Variants in CCND2 observed in about 807,000 individuals in gnomAD.
CCND2 encodes the protein cyclin D2, also known as G1/S-specific cyclin-D2.
Under a neutral mutation model 30.2 loss-of-function variants are expected in CCND2, and 6 were observed. The ratio of observed to expected loss-of-function variants is 0.20; its 90% confidence interval spans 0.11 to 0.39. The LOEUF is 0.39. Ranked by LOEUF, CCND2 falls within the 10% of genes least tolerant of loss-of-function variation. The probability of loss-of-function intolerance (pLI) is 1.00; values close to 1 mark genes in which losing one functional copy is unlikely to be tolerated. For synonymous variants in CCND2, 150 were observed against 153.1 expected (o/e 0.98, Z 0.15); for missense variants, 235 against 373.4 (o/e 0.63, Z 3.06).
At chr12:4,283,007 T>A (rs987495469) in intron 3 of CCND2, among the ~76,000 whole-genome samples, 4 of 152,164 alleles carry the variant, frequency 2.6e-5, no homozygotes, top group Non-Finnish European at 5.9e-5. Flanking sequence ...CCCCTATTGG[T>A]GAACAGAAGC....
chr12:4,290,509 C>A (rs918186944), intron 4 of CCND2, among the ~76,000 whole-genome samples: 3 of 152,202 alleles, frequency 2.0e-5, no homozygotes, highest in Admixed American at 1.3e-4. Context: ...ATAGGACTCT[C>A]AGCCAGTTTA....
intron 3 of CCND2, among the ~76,000 whole-genome samples, chr12:4,283,096 T>C (rs1457007222): frequency 6.6e-6 from 1 of 152,198 alleles, no homozygotes; most frequent in Non-Finnish European, 1.5e-5. Flanking sequence ...GGCAGGACCA[T>C]GTATTCCGTG....
At position 4,299,036 on chromosome 12, in the gene CCND2, A is replaced by G. The variant is rs549937207; in HGVS notation, c.721-824A>G. Reference sequence around the variant, plus strand: ...TCTTTATGAGAGTTAAGGAAATGGTAAAGAAGCAGAAAAAGTTGGGGATTT... The same window carrying G: ...TCTTTATGAGAGTTAAGGAAATGGTGAAGAAGCAGAAAAAGTTGGGGATTT... On this transcript the variant is annotated intron_variant, in intron 4 of 4. Transcript: ENST00000261254. The surrounding 1 kb of genome is among the most constrained non-coding windows in gnomAD (Gnocchi z 5.2). Among the ~76,000 whole-genome samples, 1 of 151,934 alleles carries G rather than the reference A, an allele frequency of 6.6e-6. No individual in the cohort carries two copies. The highest frequency in any genetic ancestry group is 2.4e-5 in the African/African-American group (1 of 41,324).
intron 3 of CCND2, among the ~76,000 whole-genome samples, chr12:4,280,963 T>G (rs1003868789): frequency 6.6e-6 from 1 of 152,252 alleles, no homozygotes; most frequent in Non-Finnish European, 1.5e-5. Context: ...GTGGCCTTCT[T>G]GCCCAGATCT....
At chr12:4,290,967 C>T (rs139184860) in intron 4 of CCND2, among the ~76,000 whole-genome samples, 19 of 152,286 alleles carry the variant, frequency 1.2e-4, no homozygotes, top group East Asian at 1.9e-4. Flanking sequence ...AATGGGCACA[C>T]GCCGTGTTTC....
At chr12:4,294,610 A>G (rs1339873063) in intron 4 of CCND2, among the ~76,000 whole-genome samples, 1 of 152,170 alleles carries the variant, frequency 6.6e-6, no homozygotes, top group African/African-American at 2.4e-5. Context: ...AAGTCAAGGT[A>G]TATAGGAAAA....
At chr12:4,288,040 G>A (rs554855475) in intron 3 of CCND2, among the ~76,000 whole-genome samples, 1 of 152,048 alleles carries the variant, frequency 6.6e-6, no homozygotes, top group Non-Finnish European at 1.5e-5. Context: ...CATCGAAACC[G>A]AGTCACCCAT....
intron 1 of CCND2, among the ~76,000 whole-genome samples, chr12:4,275,708 C>A (rs763346926): frequency 6.6e-6 from 1 of 151,916 alleles, no homozygotes; most frequent in Non-Finnish European, 1.5e-5. Context: ...CCAAAGGGAG[C>A]GTCGCGGAGC....
Position 4,293,220 on chromosome 12 carries a change from A to G in CCND2, c.720+4230A>G, listed in dbSNP as rs577766683. Among the ~76,000 whole-genome samples the G allele has an allele frequency of 6.6e-6, 1 of 152,152 alleles. No homozygotes were observed. Among genetic ancestry groups the G allele is most frequent in the South Asian group, 2.1e-4 (1 of 4,830 alleles). ...AGAGTAGGTTAAATGAAGTGGCTTC[A>G]TTTTCATATGACACAGTTGCACAAA... On this transcript the variant is annotated intron_variant, in intron 4 of 4. Transcript: ENST00000261254. The surrounding 1 kb of genome is among the most constrained non-coding windows in gnomAD (Gnocchi z 4.9).
Position 4,304,798 on chromosome 12 carries a change from A to T in CCND2, c.*4789A>T, listed in dbSNP as rs950791682. Reference sequence around the variant, plus strand: ...TCTTTTGACAGGTGCCTGTCCTTGAAAAACAAAGTTTCTATTTTTATTTTT... The same window carrying T: ...TCTTTTGACAGGTGCCTGTCCTTGATAAACAAAGTTTCTATTTTTATTTTT... On this transcript the variant is annotated 3_prime_UTR_variant, in exon 5 of 5. Transcript: ENST00000261254. The surrounding 1 kb of genome is among the most constrained non-coding windows in gnomAD (Gnocchi z 6.2). 4.3e-6 allele frequency: 1 copy of T among 233,604 alleles called. No individual in the cohort carries two copies. Among genetic ancestry groups the T allele is most frequent in the Admixed American group, 5.6e-5 (1 of 17,788 alleles). The allele number at this position is 233,604 out of a possible 1,614,324, so 14.5% of individuals were successfully genotyped here.
intron 4 of CCND2, among the ~76,000 whole-genome samples, chr12:4,297,495 C>G (rs930933030): frequency 7.0e-6 from 1 of 143,516 alleles, no homozygotes; most frequent in East Asian, 2.2e-4. Flanking sequence ...TGCTTGAACC[C>G]GAGAGGTGGA....
chr12:4,295,996 G>T (rs1219875686), intron 4 of CCND2, among the ~76,000 whole-genome samples: 1 of 152,234 alleles, frequency 6.6e-6, no homozygotes, highest in African/African-American at 2.4e-5. Context: ...CAGTAGAAGT[G>T]ACAGCCAGAC....
At chr12:4,283,066 G>A (rs1205872407) in intron 3 of CCND2, among the ~76,000 whole-genome samples, 2 of 152,222 alleles carry the variant, frequency 1.3e-5, no homozygotes, top group Non-Finnish European at 2.9e-5. Flanking sequence ...TAGCCAAAAT[G>A]ATGGGTGCTA....
At chr12:4,283,665 G>A (rs538206801) in intron 3 of CCND2, among the ~76,000 whole-genome samples, 6 of 152,344 alleles carry the variant, frequency 3.9e-5, no homozygotes, top group East Asian at 1.9e-4. Context: ...TGCCCCTGGC[G>A]CCTGTGGGTC....
At position 4,282,487 on chromosome 12, in the gene CCND2, G is replaced by C. The variant is rs908712837; in HGVS notation, c.571+3568G>C. 2.0e-5 allele frequency among the ~76,000 whole-genome samples: 3 copies of C among 152,194 alleles called. No individual in the cohort carries two copies. Among genetic ancestry groups the C allele is most frequent in the Non-Finnish European group, 4.4e-5 (3 of 68,028 alleles). Reference sequence around the variant, plus strand: ...AGACAGTGGTGGCCCAGAGAAGTTCGATGACTTGGCCCTTGATCTAGAGTG... The same window carrying C: ...AGACAGTGGTGGCCCAGAGAAGTTCCATGACTTGGCCCTTGATCTAGAGTG... On this transcript the variant is annotated intron_variant, in intron 3 of 4. Transcript: ENST00000261254. The surrounding 1 kb of genome is among the most constrained non-coding windows in gnomAD (Gnocchi z 4.3).
At chr12:4,295,024 G>A (rs996565360) in intron 4 of CCND2, among the ~76,000 whole-genome samples, 1 of 152,142 alleles carries the variant, frequency 6.6e-6, no homozygotes, top group African/African-American at 2.4e-5. Flanking sequence ...CCAGTTGCAG[G>A]TATCAGCACC....
Position 4,274,336 on chromosome 12 carries a change from C to T in CCND2, c.195+101C>T, listed in dbSNP as rs1378990272. ...TGGGAGAGGGCAATCCCCGCGCCGG[C>T]CTCCCGGCTCCTGTGCGGGAGTTTA... On this transcript the variant is annotated intron_variant, in intron 1 of 4. Transcript: ENST00000261254. The surrounding 1 kb of genome is among the most constrained non-coding windows in gnomAD (Gnocchi z 7.7). The T allele has an allele frequency of 4.0e-6, 5 of 1,260,988 alleles. No homozygotes were observed. Among genetic ancestry groups the T allele is most frequent in the Non-Finnish European group, 5.6e-6 (5 of 891,430 alleles). The allele number at this position is 1,260,988 out of a possible 1,614,324, so 78.1% of individuals were successfully genotyped here. A position where few individuals can be genotyped will look rare whatever the true frequency, so the allele number is the denominator to read the frequency against.
chr12:4,303,978 G>T lies in CCND2; in HGVS notation c.*3969G>T, dbSNP rs1280380878. The T allele has an allele frequency of 1.3e-5, 3 of 233,232 alleles. No homozygotes were observed. In the East Asian group the frequency reaches 1.8e-4, roughly 14 times the overall value. 14.4% of individuals were successfully genotyped at this position (233,232 alleles called of 1,614,324 possible). ...GCTGCATCCCATTGCTAGCAGGATT[G>T]GCAACTCTTCAGACGGAGCTGCGCT... is the stretch of plus-strand genomic sequence containing the variant. On this transcript the variant is annotated 3_prime_UTR_variant, in exon 5 of 5. Transcript: ENST00000261254. This position sits in a 1 kb window ranked among gnomAD's most constrained non-coding sequence, Gnocchi z 4.6.
Position 4,274,381 on chromosome 12 carries a change from A to G in CCND2, c.195+146A>G. 1.2e-6 allele frequency: 1 copy of G among 800,700 alleles called. No homozygotes were observed. Among genetic ancestry groups the G allele is most frequent in the Non-Finnish European group, 2.0e-6 (1 of 495,794 alleles). 49.6% of individuals were successfully genotyped at this position (800,700 alleles called of 1,614,324 possible). On this transcript the variant is annotated intron_variant, in intron 1 of 4. Coordinates refer to ENST00000261254, the MANE Select transcript of CCND2 (RefSeq NM_001759.4). The surrounding 1 kb of genome is among the most constrained non-coding windows in gnomAD (Gnocchi z 7.7). ...AGTTTACCGCGCGCCTTCTGGCGAG[A>G]CGCGTGGCTTTATTTCTGTTCCTCT...
Sources: allele counts gnomAD v4.1 joint callset (sites outside exome capture counted in the v4.1 genomes callset), GRCh38; gene constraint gnomAD v4.1.1; non-coding constraint Gnocchi (gnomAD v3.1); transcripts MANE v1.5; gene names NCBI Gene and HGNC (gene_info 2026-07-23, HGNC 2026-07-21).